PGM5: variants seen among roughly 807,000 people sequenced by gnomAD.
The protein encoded by PGM5 is phosphoglucomutase-like protein 5.
In PGM5, 23 loss-of-function variants were observed where a neutral mutation model predicts 59.2. The observed-to-expected ratio is 0.39, with a 90% CI of 0.28 to 0.55. The LOEUF (loss-of-function observed/expected upper bound fraction) is 0.55. Among genes scored for constraint, PGM5 ranks in the 20% least tolerant of loss-of-function variants. PGM5 has a pLI of 0.66. For missense variants in PGM5, 574 were observed against 748.3 expected (o/e 0.77, Z 2.72); for synonymous variants, 214 against 286.0 (o/e 0.75, Z 2.54).
chr9:68,422,513 A>G (rs1163630166), intron 6 of PGM5, among the ~76,000 whole-genome samples: 1 of 151,804 alleles, frequency 6.6e-6, no homozygotes, highest in African/African-American at 2.4e-5. Context: ...GATGGTCTCA[A>G]ACTCCTAGGC....
rs1040452588 is a variant in PGM5, at chr9:68,498,917, C to G, written c.1480-310C>G. On this transcript the variant is annotated intron_variant, in intron 9 of 10. Coordinates refer to ENST00000396396, the MANE Select transcript of PGM5 (RefSeq NM_021965.4). ...GAATATTTATTGAATATCATTTCAT[C>G]CCTGTGACTTCCACTTCTTTCTGAT... 3.1e-5 allele frequency: 10 copies of G among 317,708 alleles called. 1 individual carries two copies. The highest frequency in any genetic ancestry group is 8.9e-5 in the Admixed American group (2 of 22,462). 19.7% of individuals were successfully genotyped at this position (317,708 alleles called of 1,614,324 possible). A position where few individuals can be genotyped will look rare whatever the true frequency, so the allele number is the denominator to read the frequency against.
At position 68,370,276 on chromosome 9, in the gene PGM5, CT is replaced by C. The variant is rs1309245909; in HGVS notation, c.262-7914del. On this transcript the variant is annotated intron_variant, in intron 1 of 10. Coordinates refer to ENST00000396396, the MANE Select transcript of PGM5 (RefSeq NM_021965.4). ...GGAATGTCATGCTTAATTTTCTTTT[CT>C]TTTTTTTTCTTAAATGACATTTAAA... is the stretch of plus-strand genomic sequence containing the variant. 7.4e-4 allele frequency among the ~76,000 whole-genome samples: 112 copies of C among 151,528 alleles called. 1 individual carries two copies. Among genetic ancestry groups the C allele is most frequent in the South Asian group, 1.9e-3 (9 of 4,754 alleles).
At chr9:68,408,856 T>TC (rs1822869227) in intron 6 of PGM5, among the ~76,000 whole-genome samples, 1 of 152,128 alleles carries the variant, frequency 6.6e-6, no homozygotes, top group Admixed American at 6.5e-5. Context: ...GCTTTTTTTT[T>TC]CTCAGGTTTG....
At chr9:68,510,771 GA>G (rs1241970980) in intron 10 of PGM5, among the ~76,000 whole-genome samples, 1 of 152,164 alleles carries the variant, frequency 6.6e-6, no homozygotes, top group Non-Finnish European at 1.5e-5. Flanking sequence ...ATTTTAGGAA[GA>G]TAAAAGTTAC....
intron 10 of PGM5, among the ~76,000 whole-genome samples, chr9:68,526,116 G>C (rs568583372): frequency 1.2e-4 from 18 of 152,072 alleles, no homozygotes; most frequent in South Asian, 6.2e-4. Context: ...TTTCCAGAAA[G>C]CTGGCAAAAA....
At chr9:68,398,035 T>A (rs1206504646) in intron 6 of PGM5, 1 of 152,200 alleles carries the variant, frequency 6.6e-6, no homozygotes, top group Non-Finnish European at 1.5e-5. Flanking sequence ...TCTCTGGTGA[T>A]CTCGATTCTT....
At chr9:68,387,335 T>C in intron 3 of PGM5, 128 bp from the exon 4 acceptor site, 1 of 796,274 alleles carries the variant, frequency 1.3e-6, no homozygotes. Context: ...GCTTCCCACA[T>C]CATGTGCAGG....
In PGM5 at chr9:68,484,966, A is replaced by G. The variant is rs1247048540; in HGVS notation, c.1479+918A>G. Among the ~76,000 whole-genome samples the G allele has an allele frequency of 5.3e-5, 8 of 152,276 alleles. No individual in the cohort carries two copies. In the East Asian group the frequency reaches 1.5e-3, roughly 29 times the overall value. ...TTTTGATGTAGAATTCAAGAGATATAAAATAATGTGCCTTTTAAAGTATCC... is the reference window on the plus strand; with the variant it reads ...TTTTGATGTAGAATTCAAGAGATATGAAATAATGTGCCTTTTAAAGTATCC... On this transcript the variant is annotated intron_variant, in intron 9 of 10. Coordinates refer to ENST00000396396, the MANE Select transcript of PGM5 (RefSeq NM_021965.4).
chr9:68,506,124 T>G (rs1344021966), intron 10 of PGM5, among the ~76,000 whole-genome samples: 1 of 152,234 alleles, frequency 6.6e-6, no homozygotes, highest in African/African-American at 2.4e-5. Context: ...CTTACATAAT[T>G]TAAGTTTGGC....
chr9:68,509,063 T>G (rs1465938833), intron 10 of PGM5, among the ~76,000 whole-genome samples: 1 of 152,230 alleles, frequency 6.6e-6, no homozygotes, highest in Non-Finnish European at 1.5e-5. Flanking sequence ...ACGGTCATGC[T>G]TCATTCACAT....
intron 9 of PGM5, among the ~76,000 whole-genome samples, chr9:68,490,152 A>G (rs1338202466): frequency 6.6e-6 from 1 of 152,182 alleles, no homozygotes; most frequent in Admixed American, 6.5e-5. Flanking sequence ...GTGGTGTTTT[A>G]ATATGTACCT....
intron 6 of PGM5, among the ~76,000 whole-genome samples, chr9:68,438,097 G>A (rs1823468060): frequency 6.6e-6 from 1 of 151,870 alleles, no homozygotes; most frequent in Non-Finnish European, 1.5e-5. Flanking sequence ...GAACCAACTT[G>A]GGCAACATGG....
chr9:68,520,996 ATATATT>A (rs992239506), intron 10 of PGM5, among the ~76,000 whole-genome samples: 3 of 152,212 alleles, frequency 2.0e-5, no homozygotes, highest in Non-Finnish European at 4.4e-5. Flanking sequence ...ATTAAGACAA[ATATATT>A]TATAAACTTT....
At chr9:68,488,428 C>A (rs1824333459) in intron 9 of PGM5, among the ~76,000 whole-genome samples, 3 of 152,208 alleles carry the variant, frequency 2.0e-5, no homozygotes, top group African/African-American at 7.2e-5. Flanking sequence ...AATTAAAATC[C>A]TGTTCTGGTG....
At chr9:68,420,132 T>C (rs1012973935) in intron 6 of PGM5, among the ~76,000 whole-genome samples, 1 of 152,170 alleles carries the variant, frequency 6.6e-6, no homozygotes, top group East Asian at 1.9e-4. Flanking sequence ...TCCTGCTGTA[T>C]TGATGGCAGT....
chr9:68,455,559 C>T (rs1554684738), intron 6 of PGM5, among the ~76,000 whole-genome samples: 1 of 150,942 alleles, frequency 6.6e-6, no homozygotes, highest in African/African-American at 2.4e-5. Flanking sequence ...AAATAAAAGG[C>T]ACTAAGAATC....
intron 6 of PGM5, among the ~76,000 whole-genome samples, chr9:68,441,250 G>A (rs1034797684): frequency 3.3e-5 from 5 of 151,856 alleles, no homozygotes; most frequent in Middle Eastern, 3.4e-3. Context: ...TCCAGAAAAA[G>A]GAAGAAGATG....
chr9:68,408,117 T>A (rs1235701490), intron 6 of PGM5, among the ~76,000 whole-genome samples: 1 of 152,192 alleles, frequency 6.6e-6, no homozygotes, highest in Non-Finnish European at 1.5e-5. Context: ...CCAGATGGGG[T>A]TTCTTTACAT....
intron 7 of PGM5, chr9:68,466,270 G>GTGTGTGTGTTT: frequency 1.8e-6 from 1 of 558,470 alleles, no homozygotes. Context: ...GATACTGTGT[G>GTGTGTGTGTTT]TTTTTTTTTT....
Sources: gnomAD v4.1 joint callset for allele counts (sites outside exome capture counted in the v4.1 genomes callset) on GRCh38, gnomAD v4.1.1 for gene constraint, MANE v1.5 for transcripts, NCBI Gene and HGNC (gene_info 2026-07-23, HGNC 2026-07-21) for gene names.